Variants in XXYLT1 observed in about 807,000 individuals in gnomAD.
The protein encoded by XXYLT1 is UDP-xylose:alpha-xyloside alpha-1,3-xylosyltransferase.
A neutral mutation model predicts 28.9 loss-of-function variants in XXYLT1; 20 were observed. The observed-to-expected ratio is 0.69, with a 90% CI of 0.49 to 1.00. The LOEUF (loss-of-function observed/expected upper bound fraction) is 1.00. Among genes scored for constraint, XXYLT1 ranks in the 50% least tolerant of loss-of-function variants. The pLI is 0.00. For synonymous variants in XXYLT1, 257 were observed against 253.8 expected, an observed-to-expected ratio of 1.01 and a Z score of -0.12; for missense variants, 542 against 560.1, an observed-to-expected ratio of 0.97 and a Z score of 0.33.
chr3:195,129,483 T>A lies in XXYLT1; in HGVS notation c.785+26966A>T, dbSNP rs1015271644. On this transcript the variant is annotated intron_variant, in intron 3 of 3. Coordinates refer to ENST00000310380, the MANE Select transcript of XXYLT1 (RefSeq NM_152531.5). This position sits in a 1 kb window ranked among gnomAD's most constrained non-coding sequence, Gnocchi z 4.4. The stretch of plus-strand genomic sequence containing the variant: ...GATATTTCATCTCAATGGACGCATA[T>A]AGTGCGGTCTTCTGTGACGGGCTTC... Among the ~76,000 whole-genome samples the A allele has an allele frequency of 9.2e-5, 14 of 152,320 alleles. No individual in the cohort carries two copies. In the East Asian group the frequency reaches 2.7e-3, roughly 29 times the overall value.
rs1419489232 is a variant in XXYLT1, at chr3:195,110,274, G to A, written c.786-40163C>T. On this transcript the variant is annotated intron_variant, in intron 3 of 3. Coordinates refer to ENST00000310380, the MANE Select transcript of XXYLT1 (RefSeq NM_152531.5). ...GGTGAAGTGTGTGTGGGTGTGTGGT[G>A]TGTGTGGGGTGTATGTGTGCGTGTG... 7.5e-5 allele frequency among the ~76,000 whole-genome samples: 7 copies of A among 92,808 alleles called. 1 individual carries two copies. The highest frequency in any genetic ancestry group is 1.2e-4 in the African/African-American group (3 of 24,228). 60.9% of individuals were successfully genotyped at this position (92,808 alleles called of 152,430 possible). A position where few individuals can be genotyped will look rare whatever the true frequency, so the allele number is the denominator to read the frequency against.
chr3:195,084,955 G>A (rs1715637690), intron 3 of XXYLT1, among the ~76,000 whole-genome samples: 1 of 152,208 alleles, frequency 6.6e-6, no homozygotes, highest in South Asian at 2.1e-4. Context: ...GAAGCTGAGG[G>A]TAGGAAAGGG....
intron 2 of XXYLT1, among the ~76,000 whole-genome samples, chr3:195,170,752 G>A (rs1025995511): frequency 6.6e-6 from 1 of 152,068 alleles, no homozygotes; most frequent in Non-Finnish European, 1.5e-5. Context: ...AGGCCTAAAG[G>A]AACCCACTAA....
chr3:195,213,156 GT>G (rs1223982029), intron 2 of XXYLT1, among the ~76,000 whole-genome samples: 1 of 152,206 alleles, frequency 6.6e-6, no homozygotes, highest in African/African-American at 2.4e-5. Context: ...CTGATATGAG[GT>G]AGCTTTGGCT....
chr3:195,266,669 G>A (rs1725859347), intron 1 of XXYLT1, among the ~76,000 whole-genome samples: 1 of 152,144 alleles, frequency 6.6e-6, no homozygotes, highest in Admixed American at 6.5e-5. Flanking sequence ...TTACCCAGAG[G>A]ACAGGATGCC....
chr3:195,186,714 C>T (rs73063142), intron 2 of XXYLT1, among the ~76,000 whole-genome samples: 2,016 of 152,078 alleles, frequency 0.013, 46 homozygotes, highest in African/African-American at 0.046. Flanking sequence ...TAATGTCTAT[C>T]TTCACTGTAC....
intron 3 of XXYLT1, chr3:195,095,793 G>A (rs1407359129): frequency 6.6e-6 from 1 of 152,256 alleles, no homozygotes; most frequent in African/African-American, 2.4e-5. Flanking sequence ...AATCAGAGTG[G>A]GTACATGTGG....
chr3:195,123,764 C>T (rs370688648), intron 3 of XXYLT1, among the ~76,000 whole-genome samples: 7 of 152,146 alleles, frequency 4.6e-5, no homozygotes, highest in African/African-American at 1.4e-4. Context: ...GACGCGGGCA[C>T]GATAATCACA....
chr3:195,256,197 G>A lies in XXYLT1; in HGVS notation c.504+14358C>T, dbSNP rs111550609. ...CAAGCCGGACTCCAATCATGGCTCCGAGCAAGCTCATCTGTGCAGCCTCTT... is the reference window on the plus strand; with the variant it reads ...CAAGCCGGACTCCAATCATGGCTCCAAGCAAGCTCATCTGTGCAGCCTCTT... On this transcript the variant is annotated intron_variant, in intron 1 of 3. Coordinates refer to ENST00000310380, the MANE Select transcript of XXYLT1 (RefSeq NM_152531.5). This position sits in a 1 kb window ranked among gnomAD's most constrained non-coding sequence, Gnocchi z 4.2. Among the ~76,000 whole-genome samples, 45 of 152,304 alleles carry A rather than the reference G, an allele frequency of 3.0e-4. No individual in the cohort carries two copies. Among genetic ancestry groups the A allele is most frequent in the Non-Finnish European group, 5.4e-4 (37 of 68,020 alleles).
chr3:195,148,724 T>C (rs1405632652), intron 3 of XXYLT1, among the ~76,000 whole-genome samples: 1 of 152,198 alleles, frequency 6.6e-6, no homozygotes, highest in Non-Finnish European at 1.5e-5. Context: ...TAGAGGTTAG[T>C]GCTGCCTCTC....
intron 3 of XXYLT1, among the ~76,000 whole-genome samples, chr3:195,099,292 G>A (rs1716633160): frequency 6.6e-6 from 1 of 152,168 alleles, no homozygotes; most frequent in South Asian, 2.1e-4. Flanking sequence ...ACTCACGTGT[G>A]GGGTAGCAGC....
intron 3 of XXYLT1, among the ~76,000 whole-genome samples, chr3:195,070,621 AAGG>A (rs888338335): frequency 2.9e-4 from 44 of 152,304 alleles, no homozygotes; most frequent in African/African-American, 9.9e-4. Flanking sequence ...TGATCTTGAA[AAGG>A]AGAAGGGAGA....
At position 195,110,187 on chromosome 3, in the gene XXYLT1, T is replaced by G. The variant is rs1336486942; in HGVS notation, c.786-40076A>C. ...TGTGGTGTCTGAGTATGTGTGTGTG[T>G]GGGTGAGGTGTATGTGTGGTGTGTG... On this transcript the variant is annotated intron_variant, in intron 3 of 3. Transcript: ENST00000310380. Among the ~76,000 whole-genome samples, 63 of 16,006 alleles carry G rather than the reference T, an allele frequency of 3.9e-3. 3 individuals are homozygous for G. The highest frequency in any genetic ancestry group is 7.4e-3 in the East Asian group (7 of 942). 10.5% of individuals were successfully genotyped at this position (16,006 alleles called of 152,430 possible). A position where few individuals can be genotyped will look rare whatever the true frequency, so the allele number is the denominator to read the frequency against.
intron 2 of XXYLT1, among the ~76,000 whole-genome samples, chr3:195,194,086 T>C (rs1017306842): frequency 6.6e-6 from 1 of 151,786 alleles, no homozygotes; most frequent in Non-Finnish European, 1.5e-5. Flanking sequence ...ATTTTGTGCA[T>C]AAAAAATAAA....
Position 195,226,808 on chromosome 3 carries a change from C to T in XXYLT1, c.553G>A (p.Val185Met), listed in dbSNP as rs778038162. ...CTGAAGTGCTTCTGCATGGCCTCCA[C>T]GATGGGGAAGAGCTTATCCGTCAGC... is the stretch of plus-strand genomic sequence containing the variant. ...AVLTDKLFPI[V>M]EAMQKHFSAG... The change falls in exon 2 of 4, where the codon GTG (valine) becomes ATG (methionine). Residue 185 changes from valine to methionine, a missense_variant. Transcript: ENST00000310380. The T allele has an allele frequency of 3.0e-5, 49 of 1,613,538 alleles. No homozygotes were observed. The Admixed American group carries it at 3.3e-4, about 11-fold the overall frequency.
intron 2 of XXYLT1, among the ~76,000 whole-genome samples, chr3:195,157,413 C>T (rs114068879): frequency 0.014 from 2,188 of 152,240 alleles, 16 homozygotes; most frequent in Non-Finnish European, 0.019. Flanking sequence ...CTGACCAGAG[C>T]GAAACGGCTG....
rs943819678 is a variant in XXYLT1, at chr3:195,069,177, C to T, written c.*538G>A. The T allele has an allele frequency of 5.2e-5, 8 of 153,786 alleles. No individual in the cohort carries two copies. Among genetic ancestry groups the T allele is most frequent in the Non-Finnish European group, 1.0e-4 (7 of 69,088 alleles). 9.5% of individuals were successfully genotyped at this position (153,786 alleles called of 1,614,324 possible). A position where few individuals can be genotyped will look rare whatever the true frequency, so the allele number is the denominator to read the frequency against. On this transcript the variant is annotated 3_prime_UTR_variant, in exon 4 of 4. Transcript: ENST00000310380. The stretch of plus-strand genomic sequence containing the variant: ...GTGACGTGAGCATCAGGAGAATGCG[C>T]GTGCAGCAGCCTCCCAGGGTGAGTA...
At chr3:195,145,669 T>C (rs1405432346) in intron 3 of XXYLT1, among the ~76,000 whole-genome samples, 2 of 145,864 alleles carry the variant, frequency 1.4e-5, no homozygotes, top group Admixed American at 1.3e-4. Context: ...TGCGAGCATC[T>C]CTGTGACTTC....
At chr3:195,177,567 T>C (rs1039655516) in intron 2 of XXYLT1, among the ~76,000 whole-genome samples, 1 of 152,118 alleles carries the variant, frequency 6.6e-6, no homozygotes, top group Non-Finnish European at 1.5e-5. Context: ...AGCCCTGCAG[T>C]GGCATCATGC....
Sources: allele counts gnomAD v4.1 joint callset (sites outside exome capture counted in the v4.1 genomes callset), GRCh38; gene constraint gnomAD v4.1.1; non-coding constraint Gnocchi (gnomAD v3.1); transcripts MANE v1.5; gene names NCBI Gene and HGNC (gene_info 2026-07-23, HGNC 2026-07-21).